The following ACSS3 variants were observed in gnomAD, a reference collection of about 807,000 sequenced individuals.
ACSS3 encodes the protein acyl-CoA synthetase short-chain family member 3, mitochondrial.
ACSS3 carries 64 observed loss-of-function variants against 84.2 expected under a neutral mutation model. The observed-to-expected ratio is 0.76, with a 90% CI of 0.62 to 0.94. The LOEUF (loss-of-function observed/expected upper bound fraction) is 0.94. ACSS3 is among the 40% of genes least tolerant of loss of function. ACSS3 has a pLI of 0.00. For synonymous variants in ACSS3, 317 were observed against 310.1 expected, an observed-to-expected ratio of 1.02 and a Z score of -0.23; for missense variants, 815 against 867.6, an observed-to-expected ratio of 0.94 and a Z score of 0.76.
At chr12:81,095,127 C>T (rs1881949074) in intron 1 of ACSS3, among the ~76,000 whole-genome samples, 2 of 152,198 alleles carry the variant, frequency 1.3e-5, no homozygotes, top group African/African-American at 4.8e-5. Context: ...AAGTTACCCA[C>T]TTGTGGCCCT....
At position 81,257,992 on chromosome 12, in the gene ACSS3, A is replaced by G. The variant is rs2034375553; in HGVS notation, c.*3070A>G. 6.6e-6 allele frequency: 1 copy of G among 152,172 alleles called. No individual in the cohort carries two copies. Among genetic ancestry groups the G allele is most frequent in the Non-Finnish European group, 1.5e-5 (1 of 68,020 alleles). The allele number at this position is 152,172 out of a possible 1,614,324, so 9.4% of individuals were successfully genotyped here. A position where few individuals can be genotyped will look rare whatever the true frequency, so the allele number is the denominator to read the frequency against. Reference sequence around the variant, plus strand: ...TAGATACAAATCTAGTTATGGCATTATAATGTCGTAGTTCCTATATTCTAT... The same window carrying G: ...TAGATACAAATCTAGTTATGGCATTGTAATGTCGTAGTTCCTATATTCTAT... On this transcript the variant is annotated 3_prime_UTR_variant, in exon 16 of 16. Transcript: ENST00000548058.
chr12:81,209,906 A>C (rs923251324), intron 9 of ACSS3, among the ~76,000 whole-genome samples: 2 of 152,148 alleles, frequency 1.3e-5, no homozygotes, highest in Non-Finnish European at 2.9e-5. Context: ...GTCTTTTAGC[A>C]TGCTAATGCA....
chr12:81,159,172 C>T (rs182970364), intron 7 of ACSS3, among the ~76,000 whole-genome samples: 9 of 152,084 alleles, frequency 5.9e-5, no homozygotes, highest in Non-Finnish European at 1.3e-4. Flanking sequence ...TTACTTTTAT[C>T]AGTGGAATTG....
chr12:81,166,471 A>G (rs1330102231), intron 7 of ACSS3, among the ~76,000 whole-genome samples: 1 of 152,180 alleles, frequency 6.6e-6, no homozygotes, highest in African/African-American at 2.4e-5. Context: ...TGAGAACAGA[A>G]ACTTAGGAAA....
At chr12:81,252,708 A>G (rs1431203392) in intron 13 of ACSS3, among the ~76,000 whole-genome samples, 1 of 152,126 alleles carries the variant, frequency 6.6e-6, no homozygotes. Flanking sequence ...ACTTAAAGCA[A>G]GCAGTATGAA....
chr12:81,242,605 C>G (rs1327006425), intron 13 of ACSS3, among the ~76,000 whole-genome samples: 1 of 148,552 alleles, frequency 6.7e-6, no homozygotes, highest in Admixed American at 6.8e-5. Context: ...TGCAAAAATC[C>G]TCAATAAAAT....
At chr12:81,220,522 C>A (rs1306731763) in intron 11 of ACSS3, among the ~76,000 whole-genome samples, 1 of 151,920 alleles carries the variant, frequency 6.6e-6, no homozygotes, top group Non-Finnish European at 1.5e-5. Flanking sequence ...AGGGTTTGGG[C>A]TTCTAGTGAA....
chr12:81,184,043 CA>C (rs2031102655), intron 8 of ACSS3, among the ~76,000 whole-genome samples: 1 of 151,464 alleles, frequency 6.6e-6, no homozygotes, highest in Non-Finnish European at 1.5e-5. Context: ...TGTTAGGCCA[CA>C]AAAAAAGCCC....
intron 9 of ACSS3, among the ~76,000 whole-genome samples, chr12:81,213,062 A>G (rs1345852681): frequency 1.3e-5 from 2 of 152,234 alleles, no homozygotes; most frequent in Non-Finnish European, 2.9e-5. Context: ...TCTTCTACAA[A>G]GAGAATGCTC....
chr12:81,237,977 T>G (rs1053309974), intron 13 of ACSS3, among the ~76,000 whole-genome samples: 1 of 151,718 alleles, frequency 6.6e-6, no homozygotes, highest in Non-Finnish European at 1.5e-5. Flanking sequence ...TTGAGTATGA[T>G]GTAAGCTCTA....
intron 13 of ACSS3, among the ~76,000 whole-genome samples, chr12:81,246,580 TGA>T (rs1415497240): frequency 1.3e-5 from 2 of 152,226 alleles, no homozygotes; most frequent in Non-Finnish European, 2.9e-5. Context: ...ATGTTCTGAC[TGA>T]GTCTACCAAT....
rs1565747839 is a variant in ACSS3 at position 81,255,333 on chromosome 12, T to C, written c.*411T>C. 6.5e-6 allele frequency: 1 copy of C among 153,236 alleles called. No individual in the cohort carries two copies. Among genetic ancestry groups the C allele is most frequent in the Non-Finnish European group, 1.5e-5 (1 of 68,846 alleles). 9.5% of individuals were successfully genotyped at this position (153,236 alleles called of 1,614,324 possible). A position where few individuals can be genotyped will look rare whatever the true frequency, so the allele number is the denominator to read the frequency against. ...CAGAAAATAATTAAAATTTTTCTTG[T>C]AGAAATTTTAGATATTTTCTAGTAT... On this transcript the variant is annotated 3_prime_UTR_variant, in exon 16 of 16. Coordinates refer to ENST00000548058, the MANE Select transcript of ACSS3 (RefSeq NM_024560.4).
intron 7 of ACSS3, among the ~76,000 whole-genome samples, chr12:81,160,197 T>C (rs1459900267): frequency 6.6e-6 from 1 of 152,262 alleles, no homozygotes; most frequent in Non-Finnish European, 1.5e-5. Flanking sequence ...TTGTCATTTT[T>C]ATGTAATAAC....
intron 3 of ACSS3, among the ~76,000 whole-genome samples, chr12:81,137,116 C>A (rs183668146): frequency 6.8e-6 from 1 of 147,738 alleles, no homozygotes; most frequent in East Asian, 1.9e-4. Flanking sequence ...TGTGGACAAA[C>A]CATCTGGGTC....
At chr12:81,245,564 G>C (rs1214780650) in intron 13 of ACSS3, among the ~76,000 whole-genome samples, 1 of 152,158 alleles carries the variant, frequency 6.6e-6, no homozygotes, top group African/African-American at 2.4e-5. Flanking sequence ...CAGCAGTTAG[G>C]TTCTGTTACA....
Position 81,126,860 on chromosome 12 carries a change from G to GT in ACSS3, c.457-7955dup, listed in dbSNP as rs558358503. Reference sequence around the variant, plus strand: ...AGAAAAATGATAATTCTGAGTAATGGTATTTACTCTTTCATTTGAAGAAAA... The same window carrying GT: ...AGAAAAATGATAATTCTGAGTAATGGTTATTTACTCTTTCATTTGAAGAAAA... On this transcript the variant is annotated intron_variant, in intron 2 of 15. Transcript: ENST00000548058. Among the ~76,000 whole-genome samples, 3 of 152,108 alleles carry GT rather than the reference G, an allele frequency of 2.0e-5. No homozygotes were observed. In the South Asian group the frequency reaches 6.2e-4, roughly 32 times the overall value.
At chr12:81,182,731 CTG>C (rs779234985) in intron 8 of ACSS3, among the ~76,000 whole-genome samples, 5 of 152,140 alleles carry the variant, frequency 3.3e-5, no homozygotes, top group Non-Finnish European at 7.4e-5. Context: ...ATTTTAAAAA[CTG>C]TTTTTCTTTC....
At chr12:81,152,611 G>A (rs1886667014) in intron 7 of ACSS3, among the ~76,000 whole-genome samples, 1 of 152,084 alleles carries the variant, frequency 6.6e-6, no homozygotes, top group African/African-American at 2.4e-5. Context: ...GTGTCACCTA[G>A]GAATAAGATT....
chr12:81,173,527 G>A (rs183201587), intron 7 of ACSS3, among the ~76,000 whole-genome samples: 2 of 152,014 alleles, frequency 1.3e-5, no homozygotes, highest in African/African-American at 4.8e-5. Flanking sequence ...TAAAAAAATA[G>A]TGTCCTATCA....
Sources: allele counts gnomAD v4.1 joint callset (sites outside exome capture counted in the v4.1 genomes callset), GRCh38; gene constraint gnomAD v4.1.1; transcripts MANE v1.5; gene names NCBI Gene and HGNC (gene_info 2026-07-23, HGNC 2026-07-21).